The following SMC2 variants were observed in gnomAD, a reference collection of about 807,000 sequenced individuals.
The protein encoded by SMC2 is structural maintenance of chromosomes protein 2.
In SMC2, 41 loss-of-function variants were observed where a neutral mutation model predicts 142.6. That is an observed-to-expected ratio of 0.29 (90% CI 0.22 to 0.37). The LOEUF (loss-of-function observed/expected upper bound fraction) is 0.37. Ranked by LOEUF, SMC2 falls within the 10% of genes least tolerant of loss-of-function variation. SMC2 has a pLI of 1.00. For missense variants in SMC2, 1,265 were observed against 1,373.7 expected (o/e 0.92, Z 1.25); for synonymous variants, 463 against 457.5 (o/e 1.01, Z -0.15).
At chr9:104,093,573 G>C (rs73663494), upstream of SMC2, among the ~76,000 whole-genome samples, 1,783 of 150,496 alleles carry the variant, frequency 0.012, 43 homozygotes, top group African/African-American at 0.041. Context: ...TGTCTTAAAA[G>C]GTTTCCAGAA....
At chr9:104,092,965 C>G (rs3758293), upstream of SMC2, 136,780 of 152,246 alleles carry the variant, frequency 0.9, 61,705 homozygotes, top group African/African-American at 0.97. Flanking sequence ...TAGGCCCAAG[C>G]GAGGGCCTCT....
At chr9:104,091,866 GAT>G (rs1829986040), upstream of SMC2, among the ~76,000 whole-genome samples, 2 of 3,682 alleles carry the variant, frequency 5.4e-4, no homozygotes, top group South Asian at 0.015. Flanking sequence ...TGCTGGTACT[GAT>G]GATGCCTTCC....
chr9:104,092,942 G>A (rs901469536), upstream of SMC2: 5 of 152,152 alleles, frequency 3.3e-5, no homozygotes, highest in African/African-American at 4.8e-5. Context: ...ATGGGATTAA[G>A]GTCCTTATAA....
chr9:104,106,928 T>A (rs1174553047), intron 9 of SMC2, among the ~76,000 whole-genome samples: 1 of 152,132 alleles, frequency 6.6e-6, no homozygotes, highest in African/African-American at 2.4e-5. Flanking sequence ...GTCAAGAGGA[T>A]CCCTCCTGTT....
At chr9:104,102,214 A>T (rs775406785) in intron 8 of SMC2, 21 bp downstream of exon 8, 30 of 1,360,416 alleles carry the variant, frequency 2.2e-5, no homozygotes, top group Non-Finnish European at 3.1e-5. Context: ...ATGTATAAGA[A>T]TCGATAATAT....
At chr9:104,102,659 TAGTG>T (rs1831297734) in intron 9 of SMC2, 86 bp downstream of exon 9, 1 of 1,331,962 alleles carries the variant, frequency 7.5e-7, no homozygotes, top group East Asian at 2.6e-5. Flanking sequence ...CATGAATATT[TAGTG>T]AGTGTCTTCT....
At chr9:104,133,262 T>G (rs1310881511) in intron 22 of SMC2, among the ~76,000 whole-genome samples, 1 of 152,252 alleles carries the variant, frequency 6.6e-6, no homozygotes, top group East Asian at 1.9e-4. Context: ...CATTCTCTTT[T>G]GGAGGAAGTT....
In SMC2 at chr9:104,113,267, C is replaced by T. The variant is rs1299884142; in HGVS notation, c.1255-49C>T. 2.8e-6 allele frequency: 4 copies of T among 1,430,384 alleles called. No homozygotes were observed. In the African/African-American group the frequency reaches 4.4e-5, roughly 16 times the overall value. The allele number at this position is 1,430,384 out of a possible 1,614,324, so 88.6% of individuals were successfully genotyped here. ...GAATCTTCGGCCATTTAATTACTAG[C>T]ACTGTCTGCCTCATACATCCTATGG... On this transcript the variant is annotated intron_variant, in intron 10 of 24. Coordinates refer to ENST00000374793, the MANE Select transcript of SMC2 (RefSeq NM_006444.3).
intron 23 of SMC2, among the ~76,000 whole-genome samples, chr9:104,134,985 T>A (rs959241210): frequency 6.6e-6 from 1 of 152,072 alleles, no homozygotes; most frequent in Non-Finnish European, 1.5e-5. Context: ...CACCTTGGCA[T>A]TAGGTCTCTA....
intron 14 of SMC2, among the ~76,000 whole-genome samples, chr9:104,116,654 T>C (rs1478422801): frequency 6.6e-6 from 1 of 152,182 alleles, no homozygotes; most frequent in Non-Finnish European, 1.5e-5. Flanking sequence ...GTTTTTGTTT[T>C]TGTTTCTTTT....
chr9:104,092,998 G>A (rs1200212166), upstream of SMC2: 1 of 152,194 alleles, frequency 6.6e-6, no homozygotes, highest in Non-Finnish European at 1.5e-5. Flanking sequence ...TGCGAGGACA[G>A]AGCCAGAAGG....
chr9:104,111,511 G>A lies in SMC2; in HGVS notation c.1021-70G>A, dbSNP rs1253715354. On this transcript the variant is annotated intron_variant, in intron 9 of 24. Coordinates refer to ENST00000374793, the MANE Select transcript of SMC2 (RefSeq NM_006444.3). ...TTGCTATGGAATTTTATTACATAAG[G>A]GTATGCGTATAAGAAAGTGGGTGTT... The A allele has an allele frequency of 4.7e-6, 4 of 856,106 alleles. No homozygotes were observed. In the East Asian group the frequency reaches 7.8e-5, roughly 17 times the overall value. The allele number at this position is 856,106 out of a possible 1,614,324, so 53.0% of individuals were successfully genotyped here.
At chr9:104,109,929 G>C (rs1832236610) in intron 9 of SMC2, among the ~76,000 whole-genome samples, 2 of 152,126 alleles carry the variant, frequency 1.3e-5, no homozygotes, top group Non-Finnish European at 2.9e-5. Context: ...CAAATGTAAA[G>C]ATGCAATATT....
At chr9:104,107,215 G>GT (rs1367824406) in intron 9 of SMC2, among the ~76,000 whole-genome samples, 3 of 152,210 alleles carry the variant, frequency 2.0e-5, no homozygotes, top group Admixed American at 6.5e-5. Flanking sequence ...AGAGTGGGCA[G>GT]TTTAAGTCAC....
intron 10 of SMC2, 38 bp from the exon 11 acceptor site, chr9:104,113,278 T>G: frequency 6.5e-7 from 1 of 1,537,040 alleles, no homozygotes. Flanking sequence ...ACTGTCTGCC[T>G]CATACATCCT....
At chr9:104,091,871 T>C (rs1829986177), upstream of SMC2, among the ~76,000 whole-genome samples, 1 of 146,224 alleles carries the variant, frequency 6.8e-6, no homozygotes, top group Admixed American at 6.9e-5. Flanking sequence ...GTACTGATGA[T>C]GCCTTCCATA....
At chr9:104,126,079 C>G (rs1834231604) in intron 18 of SMC2, among the ~76,000 whole-genome samples, 2 of 152,118 alleles carry the variant, frequency 1.3e-5, no homozygotes, top group African/African-American at 4.8e-5. Context: ...CTTTTCTGAA[C>G]TGTGCATGCA....
chr9:104,091,005 C>A (rs1250852557), upstream of SMC2, among the ~76,000 whole-genome samples: 1 of 152,120 alleles, frequency 6.6e-6, no homozygotes, highest in Non-Finnish European at 1.5e-5. Flanking sequence ...TAACCAGTCC[C>A]ACTGGGTGAA....
chr9:104,099,207 G>A (rs1249875591), intron 4 of SMC2, among the ~76,000 whole-genome samples: 1 of 152,180 alleles, frequency 6.6e-6, no homozygotes, highest in East Asian at 1.9e-4. Context: ...TGGCATTGAT[G>A]TAAAATATTG....
Sources: allele counts gnomAD v4.1 joint callset (sites outside exome capture counted in the v4.1 genomes callset), GRCh38; gene constraint gnomAD v4.1.1; transcripts MANE v1.5; gene names NCBI Gene and HGNC (gene_info 2026-07-23, HGNC 2026-07-21).